MCTP1: variants seen among roughly 807,000 people sequenced by gnomAD.
MCTP1 encodes the protein multiple C2 and transmembrane domain containing 1.
Under a neutral mutation model 120.6 loss-of-function variants are expected in MCTP1, and 69 were observed. That is an observed-to-expected ratio of 0.57 (90% CI 0.47 to 0.70). The LOEUF (loss-of-function observed/expected upper bound fraction) is 0.70. Among genes scored for constraint, MCTP1 ranks in the 30% least tolerant of loss-of-function variants. The pLI, the probability that MCTP1 is intolerant of heterozygous loss-of-function variation, is 0.00. For missense variants in MCTP1, 1,203 were observed against 1,248.8 expected, an observed-to-expected ratio of 0.96 and a Z score of 0.55; for synonymous variants, 529 against 493.1, an observed-to-expected ratio of 1.07 and a Z score of -0.96.
intron 1 of MCTP1, among the ~76,000 whole-genome samples, chr5:95,039,042 G>A (rs1434090169): frequency 6.6e-6 from 1 of 151,630 alleles, no homozygotes; most frequent in East Asian, 1.9e-4. Flanking sequence ...TCAGTAGCTT[G>A]GGTTCTCACC....
intron 10 of MCTP1, among the ~76,000 whole-genome samples, chr5:94,904,450 C>A (rs1417651388): frequency 6.6e-6 from 1 of 152,056 alleles, no homozygotes; most frequent in Non-Finnish European, 1.5e-5. Flanking sequence ...TGTTTCTTTC[C>A]ATTTATGGTA....
intron 1 of MCTP1, 30 bp downstream of exon 1, chr5:95,283,826 C>T: frequency 4.8e-6 from 6 of 1,253,076 alleles, no homozygotes; most frequent in Non-Finnish European, 5.9e-6. Flanking sequence ...TCCCGCGCAC[C>T]TTGTCTCCGG....
chr5:95,137,016 C>A (rs1759500476), intron 1 of MCTP1, among the ~76,000 whole-genome samples: 1 of 152,200 alleles, frequency 6.6e-6, no homozygotes, highest in African/African-American at 2.4e-5. Context: ...AAAACCTCAA[C>A]AATGAAAAGA....
chr5:95,141,683 C>T (rs1298955873), intron 1 of MCTP1, among the ~76,000 whole-genome samples: 1 of 152,142 alleles, frequency 6.6e-6, no homozygotes, highest in African/African-American at 2.4e-5. Context: ...CTTGCTCTCC[C>T]TACCCCATCT....
chr5:94,815,937 T>C (rs1784401526), intron 17 of MCTP1, among the ~76,000 whole-genome samples: 1 of 152,190 alleles, frequency 6.6e-6, no homozygotes, highest in Non-Finnish European at 1.5e-5. Flanking sequence ...GTTGTCTGCA[T>C]AGCTTTGTTT....
intron 19 of MCTP1, among the ~76,000 whole-genome samples, chr5:94,755,038 G>A (rs1315947545): frequency 6.6e-6 from 1 of 152,192 alleles, no homozygotes; most frequent in African/African-American, 2.4e-5. Context: ...GGCCTTGACA[G>A]TGACTTGGGC....
chr5:95,149,898 C>G (rs1760742036), intron 1 of MCTP1, among the ~76,000 whole-genome samples: 1 of 152,170 alleles, frequency 6.6e-6, no homozygotes, highest in African/African-American at 2.4e-5. Flanking sequence ...CACTCTCTCA[C>G]CCTTTGCCCA....
At chr5:95,247,671 G>A (rs550016916) in intron 1 of MCTP1, among the ~76,000 whole-genome samples, 1 of 152,298 alleles carries the variant, frequency 6.6e-6, no homozygotes, top group East Asian at 1.9e-4. Context: ...TCAGGAGCAG[G>A]TTGTTCAGTT....
intron 7 of MCTP1, among the ~76,000 whole-genome samples, chr5:94,921,594 C>G (rs1030826888): frequency 2.6e-5 from 4 of 152,204 alleles, no homozygotes; most frequent in African/African-American, 9.6e-5. Context: ...TCATATACAT[C>G]TCCTCTAAAA....
At chr5:95,061,768 T>C (rs188411881) in intron 1 of MCTP1, among the ~76,000 whole-genome samples, 1 of 152,284 alleles carries the variant, frequency 6.6e-6, no homozygotes, top group East Asian at 1.9e-4. Context: ...ATTTATTATG[T>C]CTTTGTGGAA....
chr5:94,824,823 G>A (rs6891812), intron 17 of MCTP1, among the ~76,000 whole-genome samples: 18,759 of 152,044 alleles, frequency 0.12, 1,498 homozygotes, highest in East Asian at 0.33. Context: ...GTTTATTTGC[G>A]TAGAGGTGTT....
At chr5:95,274,490 A>G (rs1344684775) in intron 1 of MCTP1, among the ~76,000 whole-genome samples, 2 of 151,930 alleles carry the variant, frequency 1.3e-5, no homozygotes, top group African/African-American at 2.4e-5. Flanking sequence ...CCCATCAATT[A>G]TCCCCCTTTC....
rs1280977249 is a variant in MCTP1, at chr5:94,870,454, T to C, written c.2279A>G (p.Gln760Arg). 2.5e-6 allele frequency: 4 copies of C among 1,612,292 alleles called. No individual in the cohort carries two copies. The highest frequency in any genetic ancestry group is 4.5e-5 in the East Asian group (2 of 44,826). The change falls in exon 16 of 23, where the codon CAG becomes CGG. Residue 760 changes from glutamine (Q) to arginine (R), a missense_variant. Gln to Arg is a conservative substitution (Grantham distance 43, BLOSUM62 1). Transcript: ENST00000515393. The part of the protein sequence containing the change: ...ASLRTLIPKE[Q>R]KYIEEENRLS... ...TCTGTTTTCCTCTTCAATGTACTTC[T>C]GTTCTTTGGGTATTAATGTTCGTAA...
At chr5:95,259,949 G>A (rs1403465616) in intron 1 of MCTP1, among the ~76,000 whole-genome samples, 2 of 152,252 alleles carry the variant, frequency 1.3e-5, no homozygotes, top group South Asian at 2.1e-4. Flanking sequence ...TATGCTTACC[G>A]CAGCCCAAGG....
intron 17 of MCTP1, among the ~76,000 whole-genome samples, chr5:94,820,980 C>G (rs929304408): frequency 6.6e-6 from 1 of 152,160 alleles, no homozygotes; most frequent in Non-Finnish European, 1.5e-5. Flanking sequence ...GTTAATATCT[C>G]TTTTCCAGAT....
intron 7 of MCTP1, among the ~76,000 whole-genome samples, chr5:94,920,938 T>C (rs1374156926): frequency 6.6e-6 from 1 of 152,092 alleles, no homozygotes; most frequent in Non-Finnish European, 1.5e-5. Flanking sequence ...ACCCTTTTCT[T>C]GATTTTTATA....
At chr5:95,269,426 A>T (rs919864459) in intron 1 of MCTP1, among the ~76,000 whole-genome samples, 1 of 152,272 alleles carries the variant, frequency 6.6e-6, no homozygotes, top group African/African-American at 2.4e-5. Flanking sequence ...TGATACATGT[A>T]TAGAACTCAC....
chr5:95,135,311 T>C (rs567783908), intron 1 of MCTP1, among the ~76,000 whole-genome samples: 1 of 152,252 alleles, frequency 6.6e-6, no homozygotes, highest in South Asian at 2.1e-4. Context: ...TGGTGGTGAA[T>C]TGAGAATATT....
At chr5:94,759,142 G>T (rs1441664481) in intron 19 of MCTP1, among the ~76,000 whole-genome samples, 1 of 152,074 alleles carries the variant, frequency 6.6e-6, no homozygotes, top group Non-Finnish European at 1.5e-5. Context: ...TGATCAACTA[G>T]GGACAAATTT....
Sources: gnomAD v4.1 joint callset for allele counts (sites outside exome capture counted in the v4.1 genomes callset) on GRCh38, gnomAD v4.1.1 for gene constraint, MANE v1.5 for transcripts, NCBI Gene and HGNC (gene_info 2026-07-23, HGNC 2026-07-21) for gene names.